Variants in CDH15 observed in about 807,000 individuals in gnomAD.
The protein encoded by CDH15 is cadherin-15.
A neutral mutation model predicts 69.4 loss-of-function variants in CDH15; 73 were observed. The ratio of observed to expected loss-of-function variants is 1.05; its 90% confidence interval spans 0.87 to 1.28. The LOEUF (loss-of-function observed/expected upper bound fraction) is 1.28, where lower values mean the gene tolerates loss of function less well. CDH15 is among the 50% of genes most tolerant of loss of function. CDH15 has a pLI of 0.00. For synonymous variants in CDH15, 624 were observed against 507.7 expected, an observed-to-expected ratio of 1.23 and a Z score of -3.08; for missense variants, 1,343 against 1,133.6, an observed-to-expected ratio of 1.18 and a Z score of -2.65.
Position 89,190,284 on chromosome 16 carries a change from G to A in CDH15, c.1020G>A (p.Val340=), listed in dbSNP as rs779295481. The change falls in exon 8 of 14, where the codon GTG becomes GTA. Residue 340 remains valine (V), a synonymous_variant. Transcript: ENST00000289746. ...YESCEHYELK[V]SVQNEAPLQA... ...GCTGTGAACACTACGAACTCAAAGT[G>A]TCGGTGCAGAATGAGGCCCCGCTGC... The A allele has an allele frequency of 1.9e-6, 3 of 1,612,792 alleles. No individual in the cohort carries two copies. The highest frequency in any genetic ancestry group is 2.2e-5 in the East Asian group (1 of 44,866).
intron 3 of CDH15, among the ~76,000 whole-genome samples, chr16:89,181,469 A>C (rs144855815): frequency 0.012 from 1,860 of 152,286 alleles, 36 homozygotes; most frequent in African/African-American, 0.042. Context: ...ATGGTAAAAC[A>C]AAAAAGATAA....
intron 1 of CDH15, among the ~76,000 whole-genome samples, chr16:89,173,153 C>G (rs913913732): frequency 1.8e-4 from 28 of 152,258 alleles, no homozygotes; most frequent in African/African-American, 6.7e-4. Context: ...AGTGGCTCAG[C>G]ATGCGTGCTC....
intron 1 of CDH15, 31 bp downstream of exon 1, chr16:89,171,904 C>G (rs1422449171): frequency 6.5e-7 from 1 of 1,540,356 alleles, no homozygotes; most frequent in East Asian, 2.4e-5. Flanking sequence ...GGGGTCCCCG[C>G]TGCCTCCCTC....
At position 89,181,593 on chromosome 16, in the gene CDH15, C is replaced by T. The variant is rs530819578; in HGVS notation, c.357+1238C>T. 2.0e-3 allele frequency among the ~76,000 whole-genome samples: 298 copies of T among 151,650 alleles called. 2 individuals carry two copies. Among genetic ancestry groups the T allele is most frequent in the African/African-American group, 5.9e-3 (243 of 41,304 alleles). On this transcript the variant is annotated intron_variant, in intron 3 of 13. Coordinates refer to ENST00000289746, the MANE Select transcript of CDH15 (RefSeq NM_004933.3). ...TCGACACTGCCGTGCGCCGTGATTG[C>T]GCCGCTGCGCTCCAGCCTAGGTGAC...
intron 1 of CDH15, among the ~76,000 whole-genome samples, chr16:89,178,155 G>T (rs1915297717): frequency 6.6e-6 from 1 of 152,246 alleles, no homozygotes; most frequent in African/African-American, 2.4e-5. Context: ...AGGGGTGGGT[G>T]TGGGGCTATC....
At chr16:89,187,336 G>A in intron 5 of CDH15, 93 bp from the exon 6 acceptor site, 4 of 1,509,244 alleles carry the variant, frequency 2.7e-6, no homozygotes, top group Non-Finnish European at 2.7e-6. Context: ...CGTAGGAACT[G>A]AGCTGGCCAG....
Position 89,190,485 on chromosome 16 carries a change from G to A in CDH15, c.1221G>A (p.Leu407=), listed in dbSNP as rs972848655. ...CCCGGGACCCTGACACAGAGCAGCT[G>A]CAGAGGCTCAGGTGGGGCTCCTGAG... is the stretch of plus-strand genomic sequence containing the variant. ...FSARDPDTEQ[L]QRLSYSKDYD... Residue 407 remains leucine, a synonymous_variant, in exon 8 of 14, where the codon CTG becomes CTA. Transcript: ENST00000289746. 6.3e-7 allele frequency: 1 copy of A among 1,594,596 alleles called. No individual in the cohort carries two copies. Among genetic ancestry groups the A allele is most frequent in the Non-Finnish European group, 8.5e-7 (1 of 1,171,724 alleles).
At chr16:89,194,296 C>T (rs1021793880) in intron 13 of CDH15, among the ~76,000 whole-genome samples, 1 of 152,186 alleles carries the variant, frequency 6.6e-6, no homozygotes, top group African/African-American at 2.4e-5. Flanking sequence ...TGATTCCCTG[C>T]CATCCACAGG....
chr16:89,176,342 G>T (rs1260673511), intron 1 of CDH15, among the ~76,000 whole-genome samples: 1 of 152,214 alleles, frequency 6.6e-6, no homozygotes, highest in Non-Finnish European at 1.5e-5. Flanking sequence ...CAGCAGGGGC[G>T]TGGTGGTCAG....
rs778897142 is a variant in CDH15, at chr16:89,191,857, A to G, written c.1578A>G (p.Pro526=). Residue 526 remains proline, a synonymous_variant, in exon 10 of 14, where the codon CCA becomes CCG. Coordinates refer to ENST00000289746, the MANE Select transcript of CDH15 (RefSeq NM_004933.3). ...ACTTCCAGCTGAGCCCCAGGCTCCCAGAGCTCGGCCGGAACTGGAGCCTCA... is the reference window on the plus strand; with the variant it reads ...ACTTCCAGCTGAGCCCCAGGCTCCCGGAGCTCGGCCGGAACTGGAGCCTCA... ...PFHFQLSPRL[P]ELGRNWSLSQ... 1.9e-6 allele frequency: 3 copies of G among 1,597,940 alleles called. No individual in the cohort carries two copies. The highest frequency in any genetic ancestry group is 2.5e-6 in the Non-Finnish European group (3 of 1,177,228).
In CDH15 at chr16:89,193,443, C is replaced by G. The variant is rs775284811; in HGVS notation, c.1856-27C>G. 12 of 1,591,814 alleles carry G rather than the reference C, an allele frequency of 7.5e-6. No individual in the cohort carries two copies. The African/African-American group carries it at 1.2e-4, about 16-fold the overall frequency. On this transcript the variant is annotated intron_variant, in intron 11 of 13. Coordinates refer to ENST00000289746, the MANE Select transcript of CDH15 (RefSeq NM_004933.3). Reference sequence around the variant, plus strand: ...CCTGAAGTCGCGCCCTGTGCCTGGCCCCAGCCTGCGTCCCCTCATTCCCCA... The same window carrying G: ...CCTGAAGTCGCGCCCTGTGCCTGGCGCCAGCCTGCGTCCCCTCATTCCCCA...
At chr16:89,194,621 G>A (rs558621247) in intron 13 of CDH15, among the ~76,000 whole-genome samples, 12 of 152,274 alleles carry the variant, frequency 7.9e-5, no homozygotes, top group African/African-American at 2.2e-4. Flanking sequence ...GCAGAGCCCC[G>A]GGGGACGGGC....
At chr16:89,187,393 G>T in intron 5 of CDH15, 36 bp from the exon 6 acceptor site, 7 of 1,610,192 alleles carry the variant, frequency 4.3e-6, no homozygotes, top group Non-Finnish European at 5.9e-6. Context: ...CCCCACCTGG[G>T]CCCTCATCTT....
chr16:89,195,405 C>T lies in CDH15; in HGVS notation c.*250C>T. 3.7e-6 allele frequency: 2 copies of T among 538,032 alleles called. No individual in the cohort carries two copies. Among genetic ancestry groups the T allele is most frequent in the East Asian group, 3.0e-5 (1 of 33,868 alleles). 33.3% of individuals were successfully genotyped at this position (538,032 alleles called of 1,614,324 possible). A position where few individuals can be genotyped will look rare whatever the true frequency, so the allele number is the denominator to read the frequency against. On this transcript the variant is annotated 3_prime_UTR_variant, in exon 14 of 14. Coordinates refer to ENST00000289746, the MANE Select transcript of CDH15 (RefSeq NM_004933.3). ...GGTCACCTCCCTAGTCCCACCTTTG[C>T]CTCCTACCAGTGAACCTCATCTTTG...
intron 1 of CDH15, among the ~76,000 whole-genome samples, chr16:89,177,887 C>T (rs1915292901): frequency 6.6e-6 from 1 of 152,108 alleles, no homozygotes; most frequent in African/African-American, 2.4e-5. Context: ...ACTGACTCCC[C>T]AGGCTCGGGG....
At chr16:89,174,439 C>T (rs1478564134) in intron 1 of CDH15, among the ~76,000 whole-genome samples, 1 of 152,222 alleles carries the variant, frequency 6.6e-6, no homozygotes, top group African/African-American at 2.4e-5. Context: ...AGTGCAAGGT[C>T]GGCCCCAGAA....
chr16:89,189,074 CAG>C (rs1371012655), intron 7 of CDH15, among the ~76,000 whole-genome samples: 1 of 142,916 alleles, frequency 7.0e-6, no homozygotes, highest in Non-Finnish European at 1.5e-5. Flanking sequence ...CCGGCACACA[CAG>C]ATGCCCACAC....
intron 11 of CDH15, among the ~76,000 whole-genome samples, chr16:89,193,103 T>C (rs1597313479): frequency 4.0e-5 from 1 of 24,948 alleles, no homozygotes; most frequent in Non-Finnish European, 7.3e-5. Context: ...ACGCCCCTTC[T>C]CCACTGCCGC....
At position 89,194,897 on chromosome 16, in the gene CDH15, G is replaced by A. The variant is rs1420835509; in HGVS notation, c.2187G>A (p.Pro729=). 10 of 1,607,050 alleles carry A rather than the reference G, an allele frequency of 6.2e-6. No individual in the cohort carries two copies. Among genetic ancestry groups the A allele is most frequent in the South Asian group, 3.3e-5 (3 of 90,126 alleles). Residue 729 remains proline (P), a synonymous_variant, in exon 14 of 14, where the codon CCG becomes CCA. Transcript: ENST00000289746. ...LEAADSDPSV[P]PYDTALIYDY... is the part of the protein sequence containing the mutation. ...CTGCAGATAGTGACCCCAGTGTGCCGCCTTACGACACAGCCCTCATCTATG... is the reference window on the plus strand; with the variant it reads ...CTGCAGATAGTGACCCCAGTGTGCCACCTTACGACACAGCCCTCATCTATG...
Sources: gnomAD v4.1 joint callset for allele counts (sites outside exome capture counted in the v4.1 genomes callset) on GRCh38, gnomAD v4.1.1 for gene constraint, MANE v1.5 for transcripts, NCBI Gene and HGNC (gene_info 2026-07-23, HGNC 2026-07-21) for gene names.